Variants in HM13 observed in about 807,000 individuals in gnomAD.
The protein encoded by HM13 is signal peptide peptidase.
A neutral mutation model predicts 50.0 loss-of-function variants in HM13; 18 were observed. That is an observed-to-expected ratio of 0.36 (90% CI 0.25 to 0.53). The LOEUF is 0.53. Among genes scored for constraint, HM13 ranks in the 20% least tolerant of loss-of-function variants. HM13 has a pLI of 0.90. For synonymous variants in HM13, 197 were observed against 232.6 expected, an observed-to-expected ratio of 0.85 and a Z score of 1.39; for missense variants, 393 against 552.4, an observed-to-expected ratio of 0.71 and a Z score of 2.89.
chr20:31,535,582 G>C (rs1568786256), intron 2 of HM13: 3 of 152,238 alleles, frequency 2.0e-5, no homozygotes, highest in South Asian at 4.1e-4. Context: ...TGCAATGTGA[G>C]AGGTATGCCA....
At chr20:31,524,411 G>A (rs1443584638) in intron 1 of HM13, among the ~76,000 whole-genome samples, 1 of 152,144 alleles carries the variant, frequency 6.6e-6, no homozygotes, top group Admixed American at 6.6e-5. Context: ...AACTATATCT[G>A]TAGGGAGAAT....
At chr20:31,568,874 T>C (rs1165250054) in intron 12 of HM13, among the ~76,000 whole-genome samples, 1 of 152,192 alleles carries the variant, frequency 6.6e-6, no homozygotes, top group Non-Finnish European at 1.5e-5. Flanking sequence ...TCTCTTCCAT[T>C]GGCTGCTGCC....
intron 1 of HM13, among the ~76,000 whole-genome samples, chr20:31,521,691 T>C (rs1296394775): frequency 7.0e-6 from 1 of 142,452 alleles, no homozygotes; most frequent in African/African-American, 2.7e-5. Flanking sequence ...ATTGCACCAC[T>C]GCATTCCAGC....
Position 31,569,101 on chromosome 20 carries a change from T to TTG in HM13, c.1182-18_1182-17insGT. 1.5e-6 allele frequency: 1 copy of TTG among 660,682 alleles called. No homozygotes were observed. The highest frequency in any genetic ancestry group is 2.1e-6 in the Non-Finnish European group (1 of 487,534). The allele number at this position is 660,682 out of a possible 1,614,324, so 40.9% of individuals were successfully genotyped here. Reference sequence around the variant, plus strand: ...TCCTCTAAATGAATTTTTATTGTTGTTTTTTTTTTTTTGGTCAGTTATGAG... The same window carrying TTG: ...TCCTCTAAATGAATTTTTATTGTTGTTGTTTTTTTTTTTTGGTCAGTTATGAG... On this transcript the variant is annotated intron_variant, in intron 12 of 12. Coordinates refer to ENST00000398174, the MANE Select transcript of HM13 (RefSeq NM_178581.3).
In HM13 at chr20:31,569,230, G is replaced by T. The variant is rs1208333345; in HGVS notation, c.*11G>T. On this transcript the variant is annotated 3_prime_UTR_variant, in exon 13 of 13. Transcript: ENST00000398174. The stretch of plus-strand genomic sequence containing the variant: ...AAGAAAGAGAAATGATGCAGCTGGT[G>T]CCCGAGCCTCTCAGGGCCAGACCAG... The T allele has an allele frequency of 1.3e-6, 2 of 1,543,696 alleles. 1 individual carries two copies. The highest frequency in any genetic ancestry group is 2.3e-5 in the South Asian group (2 of 86,062).
At chr20:31,541,883 T>C (rs1343072151) in intron 3 of HM13, 1 of 152,274 alleles carries the variant, frequency 6.6e-6, no homozygotes, top group Non-Finnish European at 1.5e-5. Context: ...AGAGGGGTTA[T>C]GTAACCACCA....
At position 31,514,494 on chromosome 20, in the gene HM13, G is replaced by T. The variant is rs1981635468; in HGVS notation, c.-58G>T. On this transcript the variant is annotated 5_prime_UTR_variant, in exon 1 of 13. Transcript: ENST00000398174. The surrounding 1 kb of genome is among the most constrained non-coding windows in gnomAD (Gnocchi z 4.3). Reference sequence around the variant, plus strand: ...CTTTCCCTGCAGAGCCGGTGTCTCCGCCTGCGTCCCTGCTGCAGCAACCGG... The same window carrying T: ...CTTTCCCTGCAGAGCCGGTGTCTCCTCCTGCGTCCCTGCTGCAGCAACCGG... The T allele has an allele frequency of 3.2e-6, 5 of 1,549,640 alleles. No individual in the cohort carries two copies. The East Asian group carries it at 1.2e-4, about 36-fold the overall frequency.
chr20:31,557,594 G>C (rs1469479071), intron 8 of HM13, among the ~76,000 whole-genome samples: 1 of 151,942 alleles, frequency 6.6e-6, no homozygotes, highest in African/African-American at 2.4e-5. Flanking sequence ...AACTGCAGTT[G>C]TCTGCTCTAT....
At chr20:31,527,278 T>C (rs1982544831) in intron 1 of HM13, among the ~76,000 whole-genome samples, 1 of 151,750 alleles carries the variant, frequency 6.6e-6, no homozygotes, top group African/African-American at 2.4e-5. Context: ...GCGGAGGCTG[T>C]AGTGAGCCAA....
chr20:31,527,624 C>CT, intron 2 of HM13, 42 bp downstream of exon 2: 1 of 1,327,714 alleles, frequency 7.5e-7, no homozygotes, highest in Non-Finnish European at 1.1e-6. Context: ...ATCTAAATGA[C>CT]TTTATCTTAT....
In HM13 at chr20:31,514,820, C is replaced by A; in HGVS notation, c.183+86C>A. 1 of 1,241,272 alleles carries A rather than the reference C, an allele frequency of 8.1e-7. No individual in the cohort carries two copies. The highest frequency in any genetic ancestry group is 1.1e-6 in the Non-Finnish European group (1 of 919,608). 76.9% of individuals were successfully genotyped at this position (1,241,272 alleles called of 1,614,324 possible). ...CCCTTCCTAGGCGGGACAGACACCT[C>A]TCCCCGGACACTGACTCTTCCCAGC... is the stretch of plus-strand genomic sequence containing the variant. On this transcript the variant is annotated intron_variant, in intron 1 of 12. Coordinates refer to ENST00000398174, the MANE Select transcript of HM13 (RefSeq NM_178581.3). The surrounding 1 kb of genome is among the most constrained non-coding windows in gnomAD (Gnocchi z 4.3).
intron 7 of HM13, among the ~76,000 whole-genome samples, chr20:31,551,352 C>T (rs1376648920): frequency 6.6e-6 from 1 of 152,170 alleles, no homozygotes; most frequent in Non-Finnish European, 1.5e-5. Context: ...GTCATCCCTT[C>T]ATGGTCCCAA....
intron 1 of HM13, among the ~76,000 whole-genome samples, chr20:31,524,925 G>A (rs889236382): frequency 2.0e-5 from 3 of 151,936 alleles, no homozygotes; most frequent in African/African-American, 7.2e-5. Context: ...ACGTTAGCCA[G>A]GATGGTCTTG....
At chr20:31,554,911 G>A in intron 8 of HM13, 82 bp downstream of exon 8, 5 of 1,142,924 alleles carry the variant, frequency 4.4e-6, no homozygotes, top group Non-Finnish European at 4.0e-6. Context: ...TAAACAGACA[G>A]GCTTACCAGC....
chr20:31,555,356 CCTG>C (rs1358344208), intron 8 of HM13, among the ~76,000 whole-genome samples: 1 of 152,246 alleles, frequency 6.6e-6, no homozygotes, highest in Non-Finnish European at 1.5e-5. Context: ...TGCGTGCACA[CCTG>C]CTTATCTGCA....
chr20:31,536,911 G>A (rs150207226), intron 2 of HM13, among the ~76,000 whole-genome samples: 10 of 152,190 alleles, frequency 6.6e-5, no homozygotes, highest in South Asian at 4.2e-4. Context: ...TGTTTCTTTC[G>A]AGATTCTTTC....
rs192299984 is a variant in HM13 at position 31,516,384 on chromosome 20, T to C, written c.183+1650T>C. ...CACCACTGTCAGGGGTAAGGGAGGA[T>C]TGCTGCAAAGATGAGTAGGTCAGAG... On this transcript the variant is annotated intron_variant, in intron 1 of 12. Transcript: ENST00000398174. 2.0e-4 allele frequency among the ~76,000 whole-genome samples: 30 copies of C among 152,262 alleles called. 1 individual carries two copies. The highest frequency in any genetic ancestry group is 7.0e-4 in the African/African-American group (29 of 41,546).
At chr20:31,559,762 G>A (rs1040874474) in intron 9 of HM13, 115 bp downstream of exon 9, 2 of 933,452 alleles carry the variant, frequency 2.1e-6, no homozygotes, top group East Asian at 2.4e-5. Context: ...ACAGCAGCCA[G>A]AGCAATTCTG....
At chr20:31,537,776 T>C (rs1397162332) in intron 2 of HM13, among the ~76,000 whole-genome samples, 1 of 152,166 alleles carries the variant, frequency 6.6e-6, no homozygotes, top group Non-Finnish European at 1.5e-5. Flanking sequence ...GGCCACTCTG[T>C]AGGGGATCCC....
Sources: gnomAD v4.1 joint callset for allele counts (sites outside exome capture counted in the v4.1 genomes callset) on GRCh38, gnomAD v4.1.1 for gene constraint, Gnocchi (gnomAD v3.1) non-coding constraint, MANE v1.5 for transcripts, NCBI Gene and HGNC (gene_info 2026-07-23, HGNC 2026-07-21) for gene names.